ZFX: variants seen among roughly 807,000 people sequenced by gnomAD.
ZFX encodes zinc finger protein X-linked, also known as zinc finger X-chromosomal protein.
For synonymous variants in ZFX, 196 were observed against 226.8 expected, an observed-to-expected ratio of 0.86 and a Z score of 1.22; for missense variants, 362 against 628.3, an observed-to-expected ratio of 0.58 and a Z score of 4.53.
intron 5 of ZFX, among the ~76,000 whole-genome samples, chrX:24,190,538 T>C (rs1259939818): frequency 1.8e-5 from 2 of 111,938 alleles, no homozygotes; most frequent in East Asian, 5.6e-4. Flanking sequence ...TGGGAAAAGG[T>C]CTCTATTTTG....
At position 24,182,143 on chromosome X, in the gene ZFX, G is replaced by A. The variant is rs183787972; in HGVS notation, c.646+2373G>A. ...GTCATGCCATTACCTGAAAGGAGGA[G>A]TAGGTTTGGTGGGGGAAGGTGGGGG... On this transcript the variant is annotated intron_variant, in intron 5 of 9. Coordinates refer to ENST00000304543, the MANE Select transcript of ZFX (RefSeq NM_003410.4). Among the ~76,000 whole-genome samples the A allele has an allele frequency of 2.2e-3, 236 of 109,501 alleles. 2 individuals are homozygous for A. Among genetic ancestry groups the A allele is most frequent in the Middle Eastern group, 4.6e-3 (1 of 218 alleles).
intron 3 of ZFX, among the ~76,000 whole-genome samples, chrX:24,157,321 A>G (rs946793036): frequency 3.6e-5 from 4 of 111,985 alleles, no homozygotes; most frequent in African/African-American, 1.3e-4. Flanking sequence ...TGTATTGATC[A>G]CGTAACCTTG....
chrX:24,171,356 T>C (rs1934583015), intron 3 of ZFX, among the ~76,000 whole-genome samples: 1 of 111,189 alleles, frequency 9.0e-6, no homozygotes, highest in Non-Finnish European at 1.9e-5. Context: ...TTTGTTTGGC[T>C]GAACTTTGTG....
chrX:24,215,208 G>C lies in ZFX; in HGVS notation c.*3832G>C, dbSNP rs1007393028. The C allele has an allele frequency of 8.9e-6, 1 of 111,946 alleles. No homozygotes were observed. The highest frequency in any genetic ancestry group is 3.2e-5 in the African/African-American group (1 of 30,808). 9.2% of individuals were successfully genotyped at this position (111,946 alleles called of 1,213,427 possible). A position where few individuals can be genotyped will look rare whatever the true frequency, so the allele number is the denominator to read the frequency against. ...ACACCCAACAAATGACACCTAACCT[G>C]TCTGTGATCCAACAAGTCCGATAAC... is the stretch of plus-strand genomic sequence containing the variant. On this transcript the variant is annotated 3_prime_UTR_variant, in exon 10 of 10. Transcript: ENST00000304543.
intron 3 of ZFX, among the ~76,000 whole-genome samples, chrX:24,155,862 G>A (rs756494613): frequency 8.9e-6 from 1 of 112,105 alleles, no homozygotes; most frequent in Admixed American, 9.5e-5. Context: ...CTGTTGGATT[G>A]TTGCCTCCTC....
chrX:24,196,237 C>T (rs1936913739), intron 5 of ZFX, among the ~76,000 whole-genome samples: 1 of 110,995 alleles, frequency 9.0e-6, no homozygotes, highest in Non-Finnish European at 1.9e-5. Flanking sequence ...CTCAGTCTCC[C>T]GAGTAGCTGG....
rs758183590 is a variant in ZFX at position 24,212,623 on chromosome X, C to G, written c.*1247C>G. The G allele has an allele frequency of 1.1e-4, 12 of 112,049 alleles. No homozygotes were observed. The East Asian group carries it at 3.1e-3, about 29-fold the overall frequency. 9.2% of individuals were successfully genotyped at this position (112,049 alleles called of 1,213,427 possible). ...GACTCCCACAGTTCTCTTTGAGAAG[C>G]CTGAGAGGGAACTCTGTCTTACCTA... On this transcript the variant is annotated 3_prime_UTR_variant, in exon 10 of 10. Coordinates refer to ENST00000304543, the MANE Select transcript of ZFX (RefSeq NM_003410.4).
At position 24,189,537 on chromosome X, in the gene ZFX, A is replaced by G. The variant is rs1936396837; in HGVS notation, c.646+9767A>G. On this transcript the variant is annotated intron_variant, in intron 5 of 9. Coordinates refer to ENST00000304543, the MANE Select transcript of ZFX (RefSeq NM_003410.4). ...ATAAATACATAAAGTCCAAACCCCTATGTTTAATGTATAAACCCTGAGGGT... is the reference window on the plus strand; with the variant it reads ...ATAAATACATAAAGTCCAAACCCCTGTGTTTAATGTATAAACCCTGAGGGT... Among the ~76,000 whole-genome samples, 4 of 112,338 alleles carry G rather than the reference A, an allele frequency of 3.6e-5. No homozygotes were observed. In the South Asian group the frequency reaches 1.1e-3, roughly 31 times the overall value.
At position 24,207,746 on chromosome X, in the gene ZFX, G is replaced by A; in HGVS notation, c.831G>A (p.Glu277=). 8.3e-7 allele frequency: 1 copy of A among 1,211,685 alleles called. No individual in the cohort carries two copies. The highest frequency in any genetic ancestry group is 1.1e-6 in the Non-Finnish European group (1 of 895,379). The change falls in exon 7 of 10, where the codon GAG becomes GAA. Residue 277 remains glutamate, a synonymous_variant. Coordinates refer to ENST00000304543, the MANE Select transcript of ZFX (RefSeq NM_003410.4). ...GTVDIVESEP[E]NDHGVELLDQ... ...TAGACATTGTGGAGAGTGAGCCTGAGAATGATCATGGAGTTGAACTGCTTG... is the reference window on the plus strand; with the variant it reads ...TAGACATTGTGGAGAGTGAGCCTGAAAATGATCATGGAGTTGAACTGCTTG...
At chrX:24,157,274 A>G (rs376801448) in intron 3 of ZFX, among the ~76,000 whole-genome samples, 3 of 112,058 alleles carry the variant, frequency 2.7e-5, no homozygotes, top group East Asian at 2.8e-4. Flanking sequence ...TATAGTTGCT[A>G]TTATTGCTGA....
At chrX:24,167,556 T>A (rs1031089181) in intron 3 of ZFX, among the ~76,000 whole-genome samples, 4 of 110,916 alleles carry the variant, frequency 3.6e-5, no homozygotes, top group African/African-American at 1.3e-4. Context: ...CACAGAGAGA[T>A]TTGGGAAGAT....
Position 24,216,109 on chromosome X carries a change from A to G in ZFX, c.*4733A>G, listed in dbSNP as rs1048790788. 3.6e-5 allele frequency: 4 copies of G among 111,633 alleles called. No homozygotes were observed. The Admixed American group carries it at 3.8e-4, about 11-fold the overall frequency. 9.2% of individuals were successfully genotyped at this position (111,633 alleles called of 1,213,427 possible). ...AAGTTACCCTAGTGGAGTGTTGGCT[A>G]TAGACAAGGTATATACTCGAAACGA... On this transcript the variant is annotated 3_prime_UTR_variant, in exon 10 of 10. Coordinates refer to ENST00000304543, the MANE Select transcript of ZFX (RefSeq NM_003410.4).
At chrX:24,168,943 T>C (rs1288110106) in intron 3 of ZFX, among the ~76,000 whole-genome samples, 1 of 110,785 alleles carries the variant, frequency 9.0e-6, no homozygotes, top group East Asian at 2.8e-4. Context: ...CTGGGCTTGG[T>C]TTGTACTACA....
intron 3 of ZFX, among the ~76,000 whole-genome samples, chrX:24,166,617 C>G (rs1243904962): frequency 1.8e-5 from 2 of 111,505 alleles, no homozygotes; most frequent in Non-Finnish European, 3.8e-5. Context: ...ATTACTGTCT[C>G]ATAGGTTCTT....
At chrX:24,186,805 T>C (rs1330289560) in intron 5 of ZFX, among the ~76,000 whole-genome samples, 2 of 111,764 alleles carry the variant, frequency 1.8e-5, no homozygotes, top group African/African-American at 6.5e-5. Flanking sequence ...GATTTTATGA[T>C]TGGCTTCTAA....
In ZFX at chrX:24,179,584, G is replaced by C. The variant is rs764099210; in HGVS notation, c.460G>C (p.Glu154Gln). 1 of 1,210,558 alleles carries C rather than the reference G, an allele frequency of 8.3e-7. No homozygotes were observed. The highest frequency in any genetic ancestry group is 3.0e-5 in the East Asian group (1 of 33,782). Residue 154 changes from glutamate (E) to glutamine (Q), a missense_variant, in exon 5 of 10, where the codon GAA becomes CAA. By Grantham distance (29) the Glu-to-Gln change is conservative. Transcript: ENST00000304543. ...VGHVGHVGHVEHVVHDSVVEA... is the reference protein window; with the variant it reads ...VGHVGHVGHVQHVVHDSVVEA... ...ACATGTTGGACATGTTGGACATGTTGAACATGTGGTTCATGATAGTGTAGT... is the reference window on the plus strand; with the variant it reads ...ACATGTTGGACATGTTGGACATGTTCAACATGTGGTTCATGATAGTGTAGT...
Position 24,212,332 on chromosome X carries a change from A to AAAAGT in ZFX, c.*958_*962dup, listed in dbSNP as rs1938149959. The stretch of plus-strand genomic sequence containing the variant: ...TAGTAGTTGTTTAAAATCTATAATG[A>AAAAGT]AAAGTATTAAATTTACAATAACATG... On this transcript the variant is annotated 3_prime_UTR_variant, in exon 10 of 10. Transcript: ENST00000304543. 1 of 112,340 alleles carries AAAAGT rather than the reference A, an allele frequency of 8.9e-6. No homozygotes were observed. Among genetic ancestry groups the AAAAGT allele is most frequent in the South Asian group, 3.7e-4 (1 of 2,710 alleles). 9.3% of individuals were successfully genotyped at this position (112,340 alleles called of 1,213,427 possible).
rs142708888 is a variant in ZFX at position 24,202,984 on chromosome X, G to A, written c.647-4342G>A. Among the ~76,000 whole-genome samples the A allele has an allele frequency of 9.4e-3, 1,058 of 111,989 alleles. 16 individuals are homozygous for A. The highest frequency in any genetic ancestry group is 0.032 in the African/African-American group (977 of 30,885). On this transcript the variant is annotated intron_variant, in intron 5 of 9. Coordinates refer to ENST00000304543, the MANE Select transcript of ZFX (RefSeq NM_003410.4). ...CCAAGAGAAGCAAGCAAAGGGTGCC[G>A]TGAGCACAAAGCAATAGTGACAATC...
At chrX:24,152,581 G>C (rs1227984120) in intron 2 of ZFX, 139 bp from the exon 3 acceptor site, 2 of 112,046 alleles carry the variant, frequency 1.8e-5, no homozygotes, top group African/African-American at 6.5e-5. Flanking sequence ...ATTATAAAGG[G>C]CTATGGTTTA....
Sources: gnomAD v4.1 joint callset for allele counts (sites outside exome capture counted in the v4.1 genomes callset) on GRCh38, gnomAD v4.1.1 for gene constraint, MANE v1.5 for transcripts, NCBI Gene and HGNC (gene_info 2026-07-23, HGNC 2026-07-21) for gene names.